Variants in HR observed in about 807,000 individuals in gnomAD.
The protein encoded by HR is HR lysine demethylase and nuclear receptor corepressor.
Under a neutral mutation model 128.6 loss-of-function variants are expected in HR, and 83 were observed. The observed-to-expected ratio is 0.65, with a 90% CI of 0.54 to 0.77. The LOEUF is 0.77. Among genes scored for constraint, HR ranks in the 30% least tolerant of loss-of-function variants. HR has a pLI of 0.00. For missense variants in HR, 1,490 were observed against 1,574.6 expected (o/e 0.95, Z 0.91); for synonymous variants, 681 against 658.2 (o/e 1.03, Z -0.53).
At position 22,117,058 on chromosome 8, in the gene HR, GA is replaced by G. The variant is rs1244994210; in HGVS notation, c.3214-20del. 1.3e-5 allele frequency: 19 copies of G among 1,474,130 alleles called. No individual in the cohort carries two copies. The highest frequency in any genetic ancestry group is 1.7e-5 in the Non-Finnish European group (19 of 1,117,974). The allele number at this position is 1,474,130 out of a possible 1,614,324, so 91.3% of individuals were successfully genotyped here. ...GGCACACCTCAAAGAAGAGAAGGGGGAATGAGCGAGATGGGGAGGGAAGGGC... is the reference window on the plus strand; with the variant it reads ...GGCACACCTCAAAGAAGAGAAGGGGGATGAGCGAGATGGGGAGGGAAGGGC... On this transcript the variant is annotated intron_variant, in intron 16 of 18. Coordinates refer to ENST00000381418, the MANE Select transcript of HR (RefSeq NM_005144.5).
chr8:22,118,657 G>C, intron 16 of HR: 1 of 497,688 alleles, frequency 2.0e-6, no homozygotes, highest in Non-Finnish European at 3.7e-6. Context: ...ACGGGTAACA[G>C]ATAATTGTGC....
chr8:22,122,478 T>C lies in HR; in HGVS notation c.2121+15A>G, dbSNP rs987505179. The C allele has an allele frequency of 1.6e-5, 26 of 1,581,014 alleles. No homozygotes were observed. Among genetic ancestry groups the C allele is most frequent in the Non-Finnish European group, 2.2e-5 (26 of 1,158,804 alleles). On this transcript the variant is annotated intron_variant, in intron 8 of 18. Transcript: ENST00000381418. Reference sequence around the variant, plus strand: ...CAGGCACGATACCCAACCGGTGACATGCCCTGGGTCTTACCTGCTGGCCTG... The same window carrying C: ...CAGGCACGATACCCAACCGGTGACACGCCCTGGGTCTTACCTGCTGGCCTG...
intron 6 of HR, 27 bp downstream of exon 6, chr8:22,123,616 ATCCCGC>A: frequency 3.6e-6 from 2 of 562,348 alleles, no homozygotes; most frequent in South Asian, 4.4e-5. Flanking sequence ...TGAGGGCTCC[ATCCCGC>A]CCTCCCACCC....
chr8:22,123,577 G>T, intron 6 of HR, 72 bp downstream of exon 6: 1 of 1,446,540 alleles, frequency 6.9e-7, no homozygotes, highest in South Asian at 1.3e-5. Flanking sequence ...GGCAGCCAAC[G>T]AATGACCACA....
chr8:22,128,381 C>T, intron 2 of HR, 178 bp downstream of exon 2: 1 of 808,472 alleles, frequency 1.2e-6, no homozygotes, highest in Non-Finnish European at 2.0e-6. Flanking sequence ...AGAGATGGAG[C>T]TGCTCAGGGT....
At chr8:22,119,965 G>A (rs527820270) in intron 13 of HR, 75 bp from the exon 14 acceptor site, 20 of 1,607,284 alleles carry the variant, frequency 1.2e-5, no homozygotes, top group Middle Eastern at 1.7e-4. Context: ...CACCACCACC[G>A]GGGTAACTCC....
chr8:22,116,192 CTGCCTGCTTGGCACAGGGTGGG>C lies in HR; in HGVS notation c.3507+86_3507+107del, dbSNP rs1483343486. The stretch of plus-strand genomic sequence containing the variant: ...AATACTCTGCCCCTGCACAGGGTGG[CTGCCTGCTTGGCACAGGGTGGG>C]ATCTGCTATGTCCACTGCAGCTGTG... On this transcript the variant is annotated intron_variant, in intron 18 of 18. Coordinates refer to ENST00000381418, the MANE Select transcript of HR (RefSeq NM_005144.5). The surrounding 1 kb of genome is among the most constrained non-coding windows in gnomAD (Gnocchi z 4.2). 10 of 1,502,656 alleles carry C rather than the reference CTGCCTGCTTGGCACAGGGTGGG, an allele frequency of 6.7e-6. No homozygotes were observed. Among genetic ancestry groups the C allele is most frequent in the Non-Finnish European group, 7.4e-6 (8 of 1,085,500 alleles). 93.1% of individuals were successfully genotyped at this position (1,502,656 alleles called of 1,614,324 possible).
At chr8:22,118,843 G>A in intron 16 of HR, 107 bp downstream of exon 16, 1 of 917,186 alleles carries the variant, frequency 1.1e-6, no homozygotes, top group South Asian at 1.5e-5. Flanking sequence ...GCTCACCTGA[G>A]GGCGTGGGGC....
At chr8:22,121,527 G>T (rs1346957813) in intron 9 of HR, 86 bp downstream of exon 9, 21 of 1,419,724 alleles carry the variant, frequency 1.5e-5, no homozygotes, top group Non-Finnish European at 2.0e-5. Flanking sequence ...AAAGTCCCCG[G>T]AGACTTCCGC....
chr8:22,123,616 A>ACACC, intron 6 of HR, 33 bp downstream of exon 6: 3 of 562,348 alleles, frequency 5.3e-6, no homozygotes, highest in South Asian at 2.2e-5. Flanking sequence ...TGAGGGCTCC[A>ACACC]TCCCGCCCTC....
At chr8:22,119,984 A>G in intron 13 of HR, 94 bp from the exon 14 acceptor site, 6 of 1,602,432 alleles carry the variant, frequency 3.7e-6, no homozygotes, top group East Asian at 2.2e-5. Flanking sequence ...CCCAGAGGGC[A>G]AACATGAGAG....
chr8:22,120,305 C>A, intron 12 of HR, 37 bp downstream of exon 12: 1 of 1,613,614 alleles, frequency 6.2e-7, no homozygotes, highest in Non-Finnish European at 8.5e-7. Flanking sequence ...AGGGCTTGGG[C>A]TCCCAGCTCC....
chr8:22,127,279 G>T lies in HR; in HGVS notation c.1163C>A (p.Ser388Ter). ...KLKKTWLTRH[S>*]EQFECPRGCP... ...GCCGCGTGGACATTCAAACTGCTCCGAGTGCCGTGTGAGCCATGTCTTCTT... is the reference window on the plus strand; with the variant it reads ...GCCGCGTGGACATTCAAACTGCTCCTAGTGCCGTGTGAGCCATGTCTTCTT... The change falls in exon 3 of 19, where the codon TCG becomes TAG. Residue 388 changes from serine (S) to a stop codon, truncating the protein, a stop_gained. Transcript: ENST00000381418. LOFTEE classifies it high-confidence loss of function. 1.9e-6 allele frequency: 3 copies of T among 1,613,222 alleles called. No homozygotes were observed. Among genetic ancestry groups the T allele is most frequent in the Non-Finnish European group, 2.5e-6 (3 of 1,179,998 alleles).
At position 22,128,832 on chromosome 8, in the gene HR, T is replaced by G. The variant is rs1826971990; in HGVS notation, c.339A>C (p.Pro113=). Reference sequence around the variant, plus strand: ...GGGGGCCACAGCGAGGTGGGCACGCTGGCCCGCAGAATGCCAGCGGATGGG... The same window carrying G: ...GGGGGCCACAGCGAGGTGGGCACGCGGGCCCGCAGAATGCCAGCGGATGGG... ...MLTHPLAFCG[P]ACPPRCGPLM... The change falls in exon 2 of 19, where the codon CCA becomes CCC. Residue 113 remains proline (P), a synonymous_variant. Transcript: ENST00000381418. 1 of 1,613,250 alleles carries G rather than the reference T, an allele frequency of 6.2e-7. No individual in the cohort carries two copies. Among genetic ancestry groups the G allele is most frequent in the Admixed American group, 1.7e-5 (1 of 59,976 alleles).
In HR at chr8:22,122,789, C is replaced by A; in HGVS notation, c.2005+1G>T. ...CGCCCCACCCCTCCAAGATGGCTCA[C>A]CCTGGCTGGAGACAAACTGGGTCAG... On this transcript the variant is annotated splice_donor_variant, in intron 7 of 18. Coordinates refer to ENST00000381418, the MANE Select transcript of HR (RefSeq NM_005144.5). LOFTEE classifies it high-confidence loss of function. 6.4e-7 allele frequency: 1 copy of A among 1,552,202 alleles called. No homozygotes were observed. The highest frequency in any genetic ancestry group is 1.2e-5 in the South Asian group (1 of 84,134).
chr8:22,123,308 A>G (rs935004889), intron 6 of HR, among the ~76,000 whole-genome samples: 9 of 152,232 alleles, frequency 5.9e-5, no homozygotes, highest in Non-Finnish European at 1.3e-4. Flanking sequence ...ACCTTGGACG[A>G]GTCGCTTATC....
In HR at chr8:22,121,212, A is replaced by C; in HGVS notation, c.2220T>G (p.Ala740=). Residue 740 remains alanine, a synonymous_variant, in exon 10 of 19, where the codon GCT becomes GCG. Coordinates refer to ENST00000381418, the MANE Select transcript of HR (RefSeq NM_005144.5). ...CAGCACGGTCCTCTGCTGGGGTCTCAGCGGAATCGGGGGTCTCTGTCAGGG... is the reference window on the plus strand; with the variant it reads ...CAGCACGGTCCTCTGCTGGGGTCTCCGCGGAATCGGGGGTCTCTGTCAGGG... ...KSIKEETPDS[A]ETPAEDRAGR... 6.2e-7 allele frequency: 1 copy of C among 1,613,862 alleles called. No individual in the cohort carries two copies. The highest frequency in any genetic ancestry group is 1.1e-5 in the South Asian group (1 of 91,088).
intron 8 of HR, 130 bp downstream of exon 8, chr8:22,122,363 G>A: frequency 1.5e-6 from 1 of 667,402 alleles, no homozygotes; most frequent in South Asian, 1.8e-5. Context: ...TGATCCCCAA[G>A]GTGGGAATTA....
Position 22,116,223 on chromosome 8 carries a change from T to G in HR, c.3507+77A>C. 1 of 1,601,696 alleles carries G rather than the reference T, an allele frequency of 6.2e-7. No individual in the cohort carries two copies. The highest frequency in any genetic ancestry group is 8.5e-7 in the Non-Finnish European group (1 of 1,171,700). ...GCTTGGCACAGGGTGGGATCTGCTATGTCCACTGCAGCTGTGGCACAGGGA... is the reference window on the plus strand; with the variant it reads ...GCTTGGCACAGGGTGGGATCTGCTAGGTCCACTGCAGCTGTGGCACAGGGA... On this transcript the variant is annotated intron_variant, in intron 18 of 18. Coordinates refer to ENST00000381418, the MANE Select transcript of HR (RefSeq NM_005144.5). This position sits in a 1 kb window ranked among gnomAD's most constrained non-coding sequence, Gnocchi z 4.2.
Sources: allele counts gnomAD v4.1 joint callset (sites outside exome capture counted in the v4.1 genomes callset), GRCh38; gene constraint gnomAD v4.1.1; non-coding constraint Gnocchi (gnomAD v3.1); transcripts MANE v1.5; gene names NCBI Gene and HGNC (gene_info 2026-07-23, HGNC 2026-07-21).